The following SLC28A3 variants were observed in gnomAD, a reference collection of about 807,000 sequenced individuals.
SLC28A3 encodes the protein solute carrier family 28 member 3, also known as concentrative Na(+)-nucleoside cotransporter 3.
Under a neutral mutation model 84.2 loss-of-function variants are expected in SLC28A3, and 68 were observed. That is an observed-to-expected ratio of 0.81 (90% CI 0.66 to 0.99). The LOEUF is 0.99. SLC28A3 is among the 50% of genes least tolerant of loss of function. SLC28A3 has a pLI of 0.00. For synonymous variants in SLC28A3, 267 were observed against 303.6 expected (o/e 0.88, Z 1.25); for missense variants, 712 against 841.5 (o/e 0.85, Z 1.90).
rs562387043 is a variant in SLC28A3, at chr9:84,276,236, T to C, written c.*1982A>G. 5.8e-4 allele frequency: 89 copies of C among 152,220 alleles called. No individual in the cohort carries two copies. Among genetic ancestry groups the C allele is most frequent in the African/African-American group, 2.1e-3 (89 of 41,526 alleles). The allele number at this position is 152,220 out of a possible 1,614,324, so 9.4% of individuals were successfully genotyped here. On this transcript the variant is annotated 3_prime_UTR_variant, in exon 18 of 18. Coordinates refer to ENST00000376238, the MANE Select transcript of SLC28A3 (RefSeq NM_001199633.2). ...AAACTTTAGTGTCTCAACTGAGATA[T>C]GCAAACCAGACAGACTTAGTTTCAT...
intron 1 of SLC28A3, among the ~76,000 whole-genome samples, chr9:84,315,006 G>A (rs886945461): frequency 6.6e-6 from 1 of 152,180 alleles, no homozygotes; most frequent in African/African-American, 2.4e-5. Flanking sequence ...GAACCTGGGA[G>A]GCAGAGGTTG....
intron 4 of SLC28A3, among the ~76,000 whole-genome samples, chr9:84,304,075 C>T (rs930339408): frequency 5.3e-5 from 8 of 152,128 alleles, no homozygotes; most frequent in Non-Finnish European, 7.3e-5. Flanking sequence ...GTTTGAACCT[C>T]GTGATTGATT....
At chr9:84,345,020 T>C (rs1483602757), upstream of SLC28A3, among the ~76,000 whole-genome samples, 2 of 152,222 alleles carry the variant, frequency 1.3e-5, no homozygotes, top group Non-Finnish European at 2.9e-5. Flanking sequence ...TTAACAGAGT[T>C]CAACTCTTTT....
At chr9:84,285,577 A>G in intron 13 of SLC28A3, 35 bp from the exon 14 acceptor site, 2 of 1,611,608 alleles carry the variant, frequency 1.2e-6, no homozygotes, top group Non-Finnish European at 1.7e-6. Context: ...TGATTAGAAT[A>G]GTGATTTGCT....
intron 10 of SLC28A3, among the ~76,000 whole-genome samples, chr9:84,290,896 C>T (rs1825192727): frequency 1.3e-5 from 2 of 151,996 alleles, no homozygotes; most frequent in African/African-American, 4.8e-5. Context: ...GCCCGCAGGC[C>T]CTTCTGTAAT....
intron 11 of SLC28A3, among the ~76,000 whole-genome samples, chr9:84,289,552 C>T (rs1825129992): frequency 6.6e-6 from 1 of 152,206 alleles, no homozygotes; most frequent in Non-Finnish European, 1.5e-5. Flanking sequence ...AGTTTAATTA[C>T]TCTGAGATAT....
At chr9:84,356,366 T>G in the SLC28A3 span, among the ~76,000 whole-genome samples, 2 of 151,878 alleles carry the variant, frequency 1.3e-5, no homozygotes, top group South Asian at 4.1e-4. Flanking sequence ...GAAAGAAAAG[T>G]GGGCAGGGCC....
At position 84,302,216 on chromosome 9, in the gene SLC28A3, A is replaced by C. The variant is rs1256416959; in HGVS notation, c.508T>G (p.Trp170Gly). ...SPGRRLLNSH[W>G]FWLKWVIWSS... is the part of the protein sequence containing the mutation. ...TGCATTTACCACTTCAGCCAGAACC[A>C]ATGGCTGTTTAGAAGCCTTCTGCCA... The change falls in exon 5 of 18, where the codon TGG becomes GGG. Residue 170 changes from tryptophan to glycine, a missense_variant. By Grantham distance (184) the Trp-to-Gly change is radical. Coordinates refer to ENST00000376238, the MANE Select transcript of SLC28A3 (RefSeq NM_001199633.2). The C allele has an allele frequency of 1.2e-6, 2 of 1,614,116 alleles. No individual in the cohort carries two copies. Among genetic ancestry groups the C allele is most frequent in the Non-Finnish European group, 1.7e-6 (2 of 1,179,986 alleles).
At chr9:84,366,751 C>T in the SLC28A3 span, among the ~76,000 whole-genome samples, 1 of 152,222 alleles carries the variant, frequency 6.6e-6, no homozygotes, top group Non-Finnish European at 1.5e-5. Flanking sequence ...GAATCTCTCT[C>T]TCTGTTCTGA....
At chr9:84,283,217 C>T (rs1349018452) in intron 14 of SLC28A3, among the ~76,000 whole-genome samples, 1 of 152,240 alleles carries the variant, frequency 6.6e-6, no homozygotes, top group Non-Finnish European at 1.5e-5. Context: ...GTTGACTTTG[C>T]CCACAAATGT....
intron 9 of SLC28A3, among the ~76,000 whole-genome samples, chr9:84,293,901 T>C (rs1169099811): frequency 6.6e-6 from 1 of 152,176 alleles, no homozygotes; most frequent in East Asian, 1.9e-4. Flanking sequence ...ATAACATCAT[T>C]TCCCCCAGCA....
chr9:84,354,243 C>T, the SLC28A3 span, among the ~76,000 whole-genome samples: 1 of 152,194 alleles, frequency 6.6e-6, no homozygotes, highest in African/African-American at 2.4e-5. Context: ...TGTTGCCAGG[C>T]CAACCCTCAT....
chr9:84,277,956 T>A lies in SLC28A3; in HGVS notation c.*262A>T. On this transcript the variant is annotated 3_prime_UTR_variant, in exon 18 of 18. Transcript: ENST00000376238. ...CCTTGCAAACATTAAAGTCAGAAAA[T>A]CCCATTGAGACTGGAATCAACAACA... 1 of 421,078 alleles carries A rather than the reference T, an allele frequency of 2.4e-6. No homozygotes were observed. Among genetic ancestry groups the A allele is most frequent in the East Asian group, 4.0e-5 (1 of 25,086 alleles). The allele number at this position is 421,078 out of a possible 1,614,324, so 26.1% of individuals were successfully genotyped here.
chr9:84,325,101 G>A (rs1217253145), intron 1 of SLC28A3, among the ~76,000 whole-genome samples: 2 of 152,174 alleles, frequency 1.3e-5, no homozygotes, highest in Non-Finnish European at 2.9e-5. Flanking sequence ...TGCAATCAAT[G>A]AGGATCCCTG....
intron 1 of SLC28A3, among the ~76,000 whole-genome samples, chr9:84,313,974 A>G (rs1826081597): frequency 6.6e-6 from 1 of 152,028 alleles, no homozygotes; most frequent in Non-Finnish European, 1.5e-5. Context: ...AGGAATGAGG[A>G]CAATTGCCCT....
At position 84,298,001 on chromosome 9, in the gene SLC28A3, A is replaced by G. The variant is rs778628757; in HGVS notation, c.688T>C (p.Leu230=). The G allele has an allele frequency of 1.8e-5, 29 of 1,611,974 alleles. No homozygotes were observed. The highest frequency in any genetic ancestry group is 2.7e-5 in the African/African-American group (2 of 74,738). ...AGAAACTGTAGCCCGATTCCCCATAAGACAGGTCTCCAGTAAACCTATACA... is the reference window on the plus strand; with the variant it reads ...AGAAACTGTAGCCCGATTCCCCATAGGACAGGTCTCCAGTAAACCTATACA... ...YPTRVYWRPV[L]WGIGLQFLLG... The change falls in exon 7 of 18, where the codon TTA becomes CTA. Residue 230 remains leucine, a synonymous_variant. Coordinates refer to ENST00000376238, the MANE Select transcript of SLC28A3 (RefSeq NM_001199633.2).
At chr9:84,345,970 C>G in the SLC28A3 span, among the ~76,000 whole-genome samples, 1 of 152,120 alleles carries the variant, frequency 6.6e-6, no homozygotes, top group Non-Finnish European at 1.5e-5. Flanking sequence ...AGATGAAAGG[C>G]CTTTTCAGTT....
intron 5 of SLC28A3, among the ~76,000 whole-genome samples, chr9:84,301,027 C>T (rs1825607868): frequency 6.6e-6 from 1 of 151,924 alleles, no homozygotes. Flanking sequence ...AATATATATA[C>T]ACCTACGACA....
At chr9:84,292,494 TC>T in intron 10 of SLC28A3, 173 bp downstream of exon 10, 2 of 527,906 alleles carry the variant, frequency 3.8e-6, no homozygotes, top group Non-Finnish European at 6.7e-6. Context: ...TCTCTCTCTC[TC>T]TGTCTCTCTC....
Sources: allele counts gnomAD v4.1 joint callset (sites outside exome capture counted in the v4.1 genomes callset), GRCh38; gene constraint gnomAD v4.1.1; transcripts MANE v1.5; gene names NCBI Gene and HGNC (gene_info 2026-07-23, HGNC 2026-07-21).